The following HELLS variants were observed in gnomAD, a reference collection of about 807,000 sequenced individuals.
HELLS encodes helicase, lymphoid specific, also known as lymphoid-specific helicase.
Under a neutral mutation model 120.0 loss-of-function variants are expected in HELLS, and 32 were observed. The observed-to-expected ratio is 0.27, with a 90% CI of 0.20 to 0.36. The LOEUF (loss-of-function observed/expected upper bound fraction) is 0.36, where lower values mean the gene tolerates loss of function less well. Ranked by LOEUF, HELLS falls within the 10% of genes least tolerant of loss-of-function variation. The pLI is 1.00. For synonymous variants in HELLS, 341 were observed against 323.4 expected (o/e 1.05, Z -0.58); for missense variants, 650 against 993.4 (o/e 0.65, Z 4.65).
chr10:94,571,452 T>TA (rs1844156968), intron 7 of HELLS, 23 bp downstream of exon 7: 1 of 1,480,026 alleles, frequency 6.8e-7, no homozygotes, highest in Admixed American at 1.8e-5. Flanking sequence ...TAATGTAAGA[T>TA]TAAGTTTAGA....
intron 4 of HELLS, among the ~76,000 whole-genome samples, chr10:94,559,365 A>G (rs903991494): frequency 2.0e-5 from 3 of 152,252 alleles, no homozygotes; most frequent in Admixed American, 6.5e-5. Flanking sequence ...TGGAGAAAGT[A>G]TGTCTTGGGT....
chr10:94,564,520 TC>T (rs1309059874), intron 6 of HELLS, among the ~76,000 whole-genome samples: 1 of 152,224 alleles, frequency 6.6e-6, no homozygotes, highest in Non-Finnish European at 1.5e-5. Context: ...CTTCTTTTTT[TC>T]ATTTCTCACT....
At chr10:94,567,892 G>A (rs948846870) in intron 6 of HELLS, among the ~76,000 whole-genome samples, 1 of 146,954 alleles carries the variant, frequency 6.8e-6, no homozygotes, top group African/African-American at 2.5e-5. Context: ...ATGGGCAAGA[G>A]AATGAAACCC....
intron 6 of HELLS, among the ~76,000 whole-genome samples, chr10:94,563,296 A>G (rs1843640835): frequency 6.6e-6 from 1 of 151,978 alleles, no homozygotes; most frequent in African/African-American, 2.4e-5. Flanking sequence ...GGGTTTCACC[A>G]TGTTGGCCAG....
intron 2 of HELLS, among the ~76,000 whole-genome samples, chr10:94,553,248 A>G (rs1843071014): frequency 6.6e-6 from 1 of 151,120 alleles, no homozygotes; most frequent in African/African-American, 2.4e-5. Flanking sequence ...CAAATTACAC[A>G]TACCTTTTTT....
intron 9 of HELLS, among the ~76,000 whole-genome samples, chr10:94,608,713 G>A (rs759663883): frequency 2.2e-4 from 33 of 151,330 alleles, no homozygotes; most frequent in Non-Finnish European, 4.3e-4. Context: ...CCAACTCCTG[G>A]GCTTGAGGGA....
chr10:94,547,811 T>G (rs1384453104), intron 2 of HELLS, among the ~76,000 whole-genome samples: 5 of 152,216 alleles, frequency 3.3e-5, no homozygotes, highest in African/African-American at 1.2e-4. Flanking sequence ...GTAGGCCATG[T>G]GGTTCTAGAA....
chr10:94,555,931 A>G (rs1843238175), intron 3 of HELLS, among the ~76,000 whole-genome samples: 2 of 152,160 alleles, frequency 1.3e-5, no homozygotes, highest in Admixed American at 6.6e-5. Flanking sequence ...CTGGACTGTC[A>G]TATTCTTTAT....
At chr10:94,580,923 A>T (rs1203790281) in intron 10 of HELLS, among the ~76,000 whole-genome samples, 1 of 152,204 alleles carries the variant, frequency 6.6e-6, no homozygotes, top group East Asian at 1.9e-4. Context: ...ATAAGGGAAA[A>T]TTCTAGTGCT....
intron 11 of HELLS, among the ~76,000 whole-genome samples, chr10:94,582,407 A>T (rs1275301748): frequency 6.6e-6 from 1 of 152,126 alleles, no homozygotes; most frequent in Admixed American, 6.5e-5. Context: ...TACTGCATAA[A>T]TGTTACTAGC....
At chr10:94,562,589 A>C in intron 4 of HELLS, 102 bp from the exon 5 acceptor site, 1 of 775,412 alleles carries the variant, frequency 1.3e-6, no homozygotes, top group Non-Finnish European at 2.1e-6. Flanking sequence ...ATGTGGCTCA[A>C]TTGCAGGAAA....
At chr10:94,602,261 AG>A (rs1385048036), downstream of HELLS, among the ~76,000 whole-genome samples, 1 of 152,218 alleles carries the variant, frequency 6.6e-6, no homozygotes, top group Non-Finnish European at 1.5e-5. Flanking sequence ...GCACAAGAGA[AG>A]TTTCTGAATG....
At chr10:94,579,810 C>T (rs543035642) in intron 10 of HELLS, among the ~76,000 whole-genome samples, 2 of 151,990 alleles carry the variant, frequency 1.3e-5, no homozygotes, top group African/African-American at 4.8e-5. Context: ...TTCCAGCCTG[C>T]ATTCACTTTT....
intron 7 of HELLS, 57 bp from the exon 8 acceptor site, chr10:94,573,903 G>A (rs1413219173): frequency 1.1e-6 from 1 of 911,144 alleles, no homozygotes; most frequent in East Asian, 2.4e-5. Flanking sequence ...TCTGATAAAT[G>A]GTGGCATACA....
chr10:94,557,139 A>G (rs1410893365), intron 3 of HELLS: 4 of 400,550 alleles, frequency 1.0e-5, no homozygotes, highest in Non-Finnish European at 2.0e-5. Context: ...TTCATCTGAT[A>G]TACATCATTT....
At chr10:94,610,834 C>G (rs1846186199) in exon 10 of HELLS, 1 of 152,244 alleles carries the variant, frequency 6.6e-6, no homozygotes. Flanking sequence ...AGGTGATCTG[C>G]CTGCCTCGGC....
In HELLS at chr10:94,583,001, C is replaced by A; in HGVS notation, c.1268C>A (p.Thr423Asn). 1 of 1,607,408 alleles carries A rather than the reference C, an allele frequency of 6.2e-7. No homozygotes were observed. The highest frequency in any genetic ancestry group is 8.5e-7 in the Non-Finnish European group (1 of 1,176,708). Reference sequence around the variant, plus strand: ...TTTGACATCACTAGTCTTTCTGAAACTGCTGAAGATATTATTGCTAAAGAA... The same window carrying A: ...TTTGACATCACTAGTCTTTCTGAAAATGCTGAAGATATTATTGCTAAAGAA... ...SWFDITSLSE[T>N]AEDIIAKERE... Residue 423 changes from threonine (T) to asparagine (N), a missense_variant, in exon 12 of 22, where the codon ACT becomes AAT. Coordinates refer to ENST00000348459, the MANE Select transcript of HELLS (RefSeq NM_018063.5).
At chr10:94,561,913 G>A (rs1182386701) in intron 4 of HELLS, among the ~76,000 whole-genome samples, 1 of 151,366 alleles carries the variant, frequency 6.6e-6, no homozygotes, top group East Asian at 2.0e-4. Context: ...CCTATTGAAG[G>A]GTATTCCTTC....
chr10:94,577,257 A>G (rs570835796), intron 10 of HELLS, among the ~76,000 whole-genome samples: 1 of 152,312 alleles, frequency 6.6e-6, no homozygotes, highest in South Asian at 2.1e-4. Context: ...AGTTAGCATA[A>G]CAGAATTGAA....
Sources: allele counts gnomAD v4.1 joint callset (sites outside exome capture counted in the v4.1 genomes callset), GRCh38; gene constraint gnomAD v4.1.1; transcripts MANE v1.5; gene names NCBI Gene and HGNC (gene_info 2026-07-23, HGNC 2026-07-21).